SNX8: variants seen among roughly 807,000 people sequenced by gnomAD.
The protein encoded by SNX8 is sorting nexin-8.
In SNX8, 25 loss-of-function variants were observed where a neutral mutation model predicts 51.6. The observed-to-expected ratio is 0.48, with a 90% confidence interval of 0.35 to 0.68. The LOEUF is 0.68. SNX8 is among the 30% of genes least tolerant of loss of function. The pLI, the probability that SNX8 is intolerant of heterozygous loss-of-function variation, is 0.00. For synonymous variants in SNX8, 324 were observed against 277.0 expected (o/e 1.17, Z -1.68); for missense variants, 695 against 624.0 (o/e 1.11, Z -1.21).
intron 1 of SNX8, among the ~76,000 whole-genome samples, chr7:2,297,122 G>A (rs958362453): frequency 3.9e-5 from 6 of 151,932 alleles, no homozygotes; most frequent in African/African-American, 7.3e-5. Context: ...ATGCTTACAC[G>A]CTACCGATGG....
Position 2,255,104 on chromosome 7 carries a change from G to C in SNX8, c.1350C>G (p.Thr450=). 1 of 1,580,406 alleles carries C rather than the reference G, an allele frequency of 6.3e-7. No homozygotes were observed. Among genetic ancestry groups the C allele is most frequent in the Non-Finnish European group, 8.6e-7 (1 of 1,163,758 alleles). The change falls in exon 11 of 11, where the codon ACC becomes ACG. Residue 450 remains threonine, a synonymous_variant. Coordinates refer to ENST00000222990, the MANE Select transcript of SNX8 (RefSeq NM_013321.4). The part of the protein sequence containing the change: ...LSCLFAGPHS[T]LTPPCSPPED... ...CCGGCGGGGAGCACGGTGGGGTCAG[G>C]GTGCTGTGTGGTCCCGCAAAGAGGC...
At chr7:2,352,475 T>C (rs573932445) in intron 1 of SNX8, among the ~76,000 whole-genome samples, 2 of 152,178 alleles carry the variant, frequency 1.3e-5, no homozygotes, top group African/African-American at 4.8e-5. Context: ...TATATTGTTA[T>C]AATTGTTCTA....
chr7:2,313,427 G>A (rs1044258846), intron 1 of SNX8, among the ~76,000 whole-genome samples: 2 of 151,396 alleles, frequency 1.3e-5, no homozygotes, highest in Non-Finnish European at 2.9e-5. Context: ...TCAGGAGGCT[G>A]AGGCAGGAGA....
chr7:2,313,830 G>C (rs1349923264), intron 1 of SNX8, among the ~76,000 whole-genome samples: 3 of 152,224 alleles, frequency 2.0e-5, no homozygotes, highest in African/African-American at 4.8e-5. Flanking sequence ...TCACAGATGA[G>C]AAAACAGAGG....
At chr7:2,273,424 C>CA (rs992041917) in intron 3 of SNX8, among the ~76,000 whole-genome samples, 19 of 147,320 alleles carry the variant, frequency 1.3e-4, no homozygotes, top group Non-Finnish European at 2.1e-4. Context: ...ACTAAAAATA[C>CA]AAAAAAAAAT....
intron 7 of SNX8, 116 bp downstream of exon 7, chr7:2,263,111 CCTT>C (rs1010013982): frequency 8.1e-7 from 1 of 1,237,460 alleles, no homozygotes; most frequent in Non-Finnish European, 1.1e-6. Context: ...GAGGGAGACT[CCTT>C]CTCAAAACAA....
rs144498971 is a variant in SNX8, at chr7:2,310,845, C to T, written c.94+3483G>A. Reference sequence around the variant, plus strand: ...ATACTACGCTAGGGAAACATGAGCACACTTATATAAGGAAGTATATGTTTC... The same window carrying T: ...ATACTACGCTAGGGAAACATGAGCATACTTATATAAGGAAGTATATGTTTC... On this transcript the variant is annotated intron_variant, in intron 1 of 10. Coordinates refer to ENST00000222990, the MANE Select transcript of SNX8 (RefSeq NM_013321.4). 2.8e-4 allele frequency among the ~76,000 whole-genome samples: 43 copies of T among 152,180 alleles called. 1 individual carries two copies. The East Asian group carries it at 7.9e-3, about 28-fold the overall frequency.
intron 1 of SNX8, among the ~76,000 whole-genome samples, chr7:2,310,313 T>C (rs1007634671): frequency 1.3e-5 from 2 of 152,080 alleles, no homozygotes; most frequent in Non-Finnish European, 2.9e-5. Context: ...ATCAGATATT[T>C]TGACAGGAAT....
chr7:2,275,371 C>T (rs556291485), intron 2 of SNX8, 142 bp from the exon 3 acceptor site: 53 of 687,988 alleles, frequency 7.7e-5, no homozygotes, highest in South Asian at 4.2e-4. Flanking sequence ...AACCCTGTGA[C>T]GGCTTCGTAT....
At chr7:2,330,426 C>G (rs955759865) in intron 1 of SNX8, among the ~76,000 whole-genome samples, 1 of 152,040 alleles carries the variant, frequency 6.6e-6, no homozygotes, top group African/African-American at 2.4e-5. Context: ...TGTGAGCCAC[C>G]GTGCCCAGCC....
intron 1 of SNX8, among the ~76,000 whole-genome samples, chr7:2,338,869 G>T (rs773966298): frequency 1.3e-5 from 2 of 151,992 alleles, no homozygotes; most frequent in African/African-American, 2.4e-5. Context: ...TTAAGATCAG[G>T]AGTTTGAGAC....
chr7:2,322,887 G>T (rs1288138754), intron 1 of SNX8, among the ~76,000 whole-genome samples: 2 of 150,596 alleles, frequency 1.3e-5, no homozygotes, highest in Non-Finnish European at 3.0e-5. Context: ...CGTGGTGGTG[G>T]GCACCTGTTA....
chr7:2,306,302 ATT>A (rs1259552611), intron 1 of SNX8, among the ~76,000 whole-genome samples: 1 of 149,712 alleles, frequency 6.7e-6, no homozygotes, highest in South Asian at 2.1e-4. Flanking sequence ...TAATTTTTGT[ATT>A]TTTTTTTAGT....
intron 3 of SNX8, among the ~76,000 whole-genome samples, chr7:2,273,862 C>A (rs1470782517): frequency 6.6e-5 from 10 of 151,826 alleles, no homozygotes; most frequent in Admixed American, 6.6e-4. Flanking sequence ...CGAGATTGCA[C>A]CACTGCACTC....
At chr7:2,307,651 A>C (rs1796575945) in intron 1 of SNX8, 2 of 150,930 alleles carry the variant, frequency 1.3e-5, no homozygotes, top group African/African-American at 2.4e-5. Flanking sequence ...AAAAAAAAAA[A>C]AAAAAAAGGT....
chr7:2,353,804 G>A (rs1236688807), intron 1 of SNX8, among the ~76,000 whole-genome samples: 4 of 151,938 alleles, frequency 2.6e-5, no homozygotes, highest in Non-Finnish European at 5.9e-5. Context: ...GGGGGGTGGT[G>A]GTGCTATGTT....
intron 1 of SNX8, among the ~76,000 whole-genome samples, chr7:2,333,060 G>A (rs1778767861): frequency 6.6e-6 from 1 of 151,906 alleles, no homozygotes; most frequent in Non-Finnish European, 1.5e-5. Context: ...CTTGAGCCCA[G>A]GAGTTCTTTT....
chr7:2,335,802 C>CAA lies in SNX8; in HGVS notation c.-66+18418_-66+18419dup, dbSNP rs1173439746. ...TGGGCGACAGAGCGAGACTCTGTCT[C>CAA]AAAAAAAAAAAAAAAAAAAAAAAAA... On this transcript the variant is annotated intron_variant, in intron 1 of 5. Coordinates refer to the SNX8 transcript ENST00000435336. Among the ~76,000 whole-genome samples, 91 of 30,568 alleles carry CAA rather than the reference C, an allele frequency of 3.0e-3. 6 individuals are homozygous for CAA. Among genetic ancestry groups the CAA allele is most frequent in the African/African-American group, 6.0e-3 (53 of 8,902 alleles). 20.1% of individuals were successfully genotyped at this position (30,568 alleles called of 152,430 possible).
chr7:2,280,800 T>TA (rs1795890450), intron 1 of SNX8, among the ~76,000 whole-genome samples: 1 of 151,436 alleles, frequency 6.6e-6, no homozygotes, highest in African/African-American at 2.4e-5. Context: ...CCCTTTTTTT[T>TA]TTTTTTTTGA....
Sources: gnomAD v4.1 joint callset for allele counts (sites outside exome capture counted in the v4.1 genomes callset) on GRCh38, gnomAD v4.1.1 for gene constraint, MANE v1.5 for transcripts, NCBI Gene and HGNC (gene_info 2026-07-23, HGNC 2026-07-21) for gene names.